Variants in SYNPO2 observed in about 807,000 individuals in gnomAD.
SYNPO2 encodes the protein synaptopodin 2.
SYNPO2 carries 56 observed loss-of-function variants against 85.0 expected under a neutral mutation model. The observed-to-expected ratio is 0.66, with a 90% CI of 0.53 to 0.82. The LOEUF is 0.82. Among genes scored for constraint, SYNPO2 ranks in the 40% least tolerant of loss-of-function variants. The pLI is 0.00. For missense variants in SYNPO2, 1,575 were observed against 1,534.2 expected, an observed-to-expected ratio of 1.03 and a Z score of -0.44; for synonymous variants, 602 against 591.1, an observed-to-expected ratio of 1.02 and a Z score of -0.27.
At chr4:118,925,002 C>G (rs558223851) in intron 1 of SYNPO2, among the ~76,000 whole-genome samples, 4 of 152,266 alleles carry the variant, frequency 2.6e-5, no homozygotes, top group African/African-American at 9.6e-5. Context: ...AGTACTGCAA[C>G]CACTAAATTC....
At chr4:119,022,740 A>AT (rs1483265247) in intron 1 of SYNPO2, among the ~76,000 whole-genome samples, 1 of 134,632 alleles carries the variant, frequency 7.4e-6, no homozygotes, top group Non-Finnish European at 1.6e-5. Context: ...ATTTTATTTT[A>AT]TGTTTTATTT....
intron 1 of SYNPO2, among the ~76,000 whole-genome samples, chr4:118,890,193 G>A (rs1222621478): frequency 1.3e-5 from 2 of 148,356 alleles, no homozygotes; most frequent in Non-Finnish European, 3.0e-5. Flanking sequence ...TGTCCTTTGC[G>A]AAGAAAGAAG....
rs1553944816 is a variant in SYNPO2 at position 118,995,906 on chromosome 4, C to CTATCTATG, written c.106-27524_106-27523insTATCTATG. On this transcript the variant is annotated intron_variant, in intron 1 of 4. Coordinates refer to ENST00000307142, the MANE Select transcript of SYNPO2 (RefSeq NM_133477.3). The stretch of plus-strand genomic sequence containing the variant: ...TCTATCTATCTATCTATCTATCTAT[C>CTATCTATG]ATCTATCTAATTTTGCTTTTTTCTG... Among the ~76,000 whole-genome samples, 214 of 145,126 alleles carry CTATCTATG rather than the reference C, an allele frequency of 1.5e-3. 5 individuals are homozygous for CTATCTATG. Among genetic ancestry groups the CTATCTATG allele is most frequent in the African/African-American group, 5.2e-3 (205 of 39,108 alleles).
intron 1 of SYNPO2, among the ~76,000 whole-genome samples, chr4:118,932,223 A>T (rs1733956490): frequency 6.6e-6 from 1 of 152,192 alleles, no homozygotes. Context: ...TCAAAAATAG[A>T]TGAGAGCATT....
chr4:118,852,774 C>T lies in SYNPO2; in HGVS notation c.12+1834C>T, dbSNP rs141329996. ...GGAAAAATAACTAATGGGTACTAGG[C>T]TTAATACCGGAGTGACAAAATAATC... On this transcript the variant is annotated intron_variant, in intron 1 of 4. Transcript: ENST00000610556. Among the ~76,000 whole-genome samples the T allele has an allele frequency of 1.7e-3, 260 of 152,266 alleles. 1 individual carries two copies. The highest frequency in any genetic ancestry group is 6.8e-3 in the Middle Eastern group (2 of 294).
chr4:118,905,491 G>T (rs1034657579), intron 1 of SYNPO2, among the ~76,000 whole-genome samples: 10 of 152,022 alleles, frequency 6.6e-5, no homozygotes, highest in Non-Finnish European at 1.5e-4. Flanking sequence ...AACACAGGAA[G>T]TCCGGCATAA....
At chr4:119,009,739 C>G (rs1287817455) in intron 1 of SYNPO2, among the ~76,000 whole-genome samples, 1 of 152,154 alleles carries the variant, frequency 6.6e-6, no homozygotes, top group Non-Finnish European at 1.5e-5. Context: ...TGAAAGTCCT[C>G]CCTAAGAAAG....
intron 4 of SYNPO2, among the ~76,000 whole-genome samples, chr4:119,053,130 A>G (rs1433317274): frequency 6.6e-6 from 1 of 152,214 alleles, no homozygotes; most frequent in East Asian, 1.9e-4. Flanking sequence ...TTTCTGGCTC[A>G]GGGTATATCA....
chr4:118,968,763 G>A (rs1161675030), intron 1 of SYNPO2, among the ~76,000 whole-genome samples: 1 of 152,120 alleles, frequency 6.6e-6, no homozygotes, highest in African/African-American at 2.4e-5. Flanking sequence ...AATTTCAAAT[G>A]AATGGCATAA....
Position 119,058,076 on chromosome 4 carries a change from CTGTGTG to C in SYNPO2, c.*158_*163del, listed in dbSNP as rs35036907. The C allele has an allele frequency of 1.3e-4, 73 of 564,992 alleles. No homozygotes were observed. Among genetic ancestry groups the C allele is most frequent in the East Asian group, 3.1e-4 (9 of 28,922 alleles). 35.0% of individuals were successfully genotyped at this position (564,992 alleles called of 1,614,324 possible). On this transcript the variant is annotated 3_prime_UTR_variant, in exon 5 of 5. Transcript: ENST00000307142. ...AAGTCATTTATCTAAGTTTGTGTTT[CTGTGTG>C]TGTGTGTGTGTGTGTATGTATGTGA... is the stretch of plus-strand genomic sequence containing the variant.
rs748540318 is a variant in SYNPO2 at position 119,031,528 on chromosome 4, G to A, written c.2753G>A (p.Arg918Gln). Reference sequence around the variant, plus strand: ...AGTTGGAAGTACTCCTCCAATGTCCGAGCACCTCCTCCTGTGGCCTATAAT... The same window carrying A: ...AGTTGGAAGTACTCCTCCAATGTCCAAGCACCTCCTCCTGTGGCCTATAAT... ...PASWKYSSNVRAPPPVAYNPI... is the reference protein window; with the variant it reads ...PASWKYSSNVQAPPPVAYNPI... Residue 918 changes from arginine to glutamine, a missense_variant, in exon 4 of 5, where the codon CGA becomes CAA. Transcript: ENST00000307142. The A allele has an allele frequency of 1.9e-6, 3 of 1,613,990 alleles. No homozygotes were observed. The highest frequency in any genetic ancestry group is 1.1e-5 in the South Asian group (1 of 91,068).
intron 1 of SYNPO2, among the ~76,000 whole-genome samples, chr4:118,969,640 C>T (rs1461436302): frequency 6.6e-6 from 1 of 152,130 alleles, no homozygotes; most frequent in East Asian, 1.9e-4. Context: ...TGGCCTGAAA[C>T]CAAAGAAGCA....
chr4:118,861,978 G>GTTTTC (rs1731619624), intron 1 of SYNPO2, among the ~76,000 whole-genome samples: 1 of 152,070 alleles, frequency 6.6e-6, no homozygotes, highest in Non-Finnish European at 1.5e-5. Flanking sequence ...CATGAACATG[G>GTTTTC]AATATCTTTC....
At chr4:118,858,860 T>C (rs1002402414) in intron 1 of SYNPO2, among the ~76,000 whole-genome samples, 1 of 152,236 alleles carries the variant, frequency 6.6e-6, no homozygotes, top group Non-Finnish European at 1.5e-5. Context: ...AGTTAATATG[T>C]AAGTCACTAA....
chr4:118,993,779 G>T (rs1033276367), intron 1 of SYNPO2, among the ~76,000 whole-genome samples: 1 of 152,086 alleles, frequency 6.6e-6, no homozygotes, highest in Non-Finnish European at 1.5e-5. Flanking sequence ...CTTTGTATTT[G>T]AAATATTTTT....
chr4:119,011,702 T>C (rs948485657), intron 1 of SYNPO2, among the ~76,000 whole-genome samples: 2 of 152,172 alleles, frequency 1.3e-5, no homozygotes, highest in Admixed American at 6.5e-5. Flanking sequence ...AATCTTCTCA[T>C]ATTGTCATTT....
chr4:119,034,530 T>C, intron 4 of SYNPO2: 3 of 985,504 alleles, frequency 3.0e-6, no homozygotes, highest in Non-Finnish European at 3.6e-6. Flanking sequence ...CAAAACCTTG[T>C]AAGAGGCATG....
rs773299613 is a variant in SYNPO2 at position 118,867,468 on chromosome 4, T to TTTC, written c.12+16530_12+16531insCTT. Among the ~76,000 whole-genome samples the TTTC allele has an allele frequency of 1.0e-3, 136 of 131,330 alleles. 1 individual carries two copies. The highest frequency in any genetic ancestry group is 4.0e-3 in the Middle Eastern group (1 of 250). The allele number at this position is 131,330 out of a possible 152,430, so 86.2% of individuals were successfully genotyped here. A position where few individuals can be genotyped will look rare whatever the true frequency, so the allele number is the denominator to read the frequency against. On this transcript the variant is annotated intron_variant, in intron 1 of 4. Coordinates refer to the SYNPO2 transcript ENST00000610556. ...CTTGTGGTTCCTATTAGTTTCTTTC[T>TTTC]TTTTTTTTTTTTTCAGTCTTAGACT...
chr4:119,019,851 C>T (rs1046051293), intron 1 of SYNPO2, among the ~76,000 whole-genome samples: 3 of 152,040 alleles, frequency 2.0e-5, no homozygotes, highest in African/African-American at 7.2e-5. Context: ...TTTATGAATC[C>T]AAGACTAGTG....
Sources: gnomAD v4.1 joint callset for allele counts (sites outside exome capture counted in the v4.1 genomes callset) on GRCh38, gnomAD v4.1.1 for gene constraint, MANE v1.5 for transcripts, NCBI Gene and HGNC (gene_info 2026-07-23, HGNC 2026-07-21) for gene names.